The following CGNL1 variants were observed in gnomAD, a reference collection of about 807,000 sequenced individuals.
CGNL1 encodes the protein cingulin-like protein 1.
A neutral mutation model predicts 141.2 loss-of-function variants in CGNL1; 132 were observed. The observed-to-expected ratio is 0.93, with a 90% CI of 0.81 to 1.08. CGNL1 has a LOEUF of 1.08. Among genes scored for constraint, CGNL1 ranks in the 50% least tolerant of loss-of-function variants. The pLI is 0.00. For missense variants in CGNL1, 1,870 were observed against 1,588.6 expected, an observed-to-expected ratio of 1.18 and a Z score of -3.01; for synonymous variants, 690 against 622.1, an observed-to-expected ratio of 1.11 and a Z score of -1.63.
At chr15:57,383,590 A>T in intron 1 of CGNL1, among the ~76,000 whole-genome samples, 1 of 144,958 alleles carries the variant, frequency 6.9e-6, no homozygotes, top group Non-Finnish European at 1.5e-5. Context: ...GAGCCACCAC[A>T]TCTGCCTTTT....
intron 1 of CGNL1, among the ~76,000 whole-genome samples, chr15:57,436,978 C>T (rs1205470884): frequency 6.6e-6 from 1 of 152,010 alleles, no homozygotes; most frequent in East Asian, 1.9e-4. Context: ...CTCAAAAAGT[C>T]TCTCAAAAGT....
chr15:57,399,427 G>T (rs1463896619), intron 1 of CGNL1, among the ~76,000 whole-genome samples: 1 of 151,770 alleles, frequency 6.6e-6, no homozygotes, highest in African/African-American at 2.4e-5. Context: ...CATATTATTG[G>T]TCACAATTTT....
chr15:57,427,697 A>T (rs1339192516), intron 1 of CGNL1, among the ~76,000 whole-genome samples: 1 of 152,252 alleles, frequency 6.6e-6, no homozygotes, highest in Non-Finnish European at 1.5e-5. Flanking sequence ...TTTGGAATTC[A>T]CTTTGCAGAC....
intron 4 of CGNL1, among the ~76,000 whole-genome samples, chr15:57,450,562 C>T (rs1002430387): frequency 2.0e-5 from 3 of 152,306 alleles, no homozygotes; most frequent in African/African-American, 4.8e-5. Context: ...CTGCATGAGC[C>T]GCCCCACCCA....
At chr15:57,410,721 T>C (rs1420283023) in intron 1 of CGNL1, among the ~76,000 whole-genome samples, 1 of 152,238 alleles carries the variant, frequency 6.6e-6, no homozygotes, top group Non-Finnish European at 1.5e-5. Context: ...TTCAAAATGC[T>C]AAACTTTTGC....
intron 4 of CGNL1, among the ~76,000 whole-genome samples, chr15:57,447,547 T>C (rs117122954): frequency 0.019 from 2,922 of 152,322 alleles, 83 homozygotes; most frequent in Non-Finnish European, 0.024. Flanking sequence ...CTTTTAATAA[T>C]TTATCTTTAT....
Position 57,439,352 on chromosome 15 carries a change from G to A in CGNL1, c.1353G>A (p.Ala451=), listed in dbSNP as rs151050069. The change falls in exon 2 of 19, where the codon GCG becomes GCA. Residue 451 remains alanine, a synonymous_variant. Coordinates refer to ENST00000281282, the MANE Select transcript of CGNL1 (RefSeq NM_032866.5). ...CCTTTGCAAAGCTGCAGGGAGCAGC[G>A]CACGGGGCTTCATGTGCCCACTCCA... ...GRTFAKLQGA[A]HGASCAHSRP... The A allele has an allele frequency of 2.5e-6, 4 of 1,614,110 alleles. No homozygotes were observed. Among genetic ancestry groups the A allele is most frequent in the East Asian group, 2.2e-5 (1 of 44,866 alleles).
intron 1 of CGNL1, among the ~76,000 whole-genome samples, chr15:57,411,585 AG>A (rs1325421283): frequency 1.3e-5 from 2 of 151,828 alleles, no homozygotes; most frequent in Admixed American, 6.6e-5. Context: ...CTGGGATTAC[AG>A]GTGTCCGCCA....
chr15:57,455,952 C>T (rs1322297466), intron 7 of CGNL1, among the ~76,000 whole-genome samples: 1 of 152,198 alleles, frequency 6.6e-6, no homozygotes, highest in East Asian at 1.9e-4. Context: ...ACAACAGGAA[C>T]TGTATCATTT....
chr15:57,438,346 A>G lies in CGNL1; in HGVS notation c.347A>G (p.Asn116Ser), dbSNP rs768336144. The G allele has an allele frequency of 1.1e-5, 18 of 1,614,008 alleles. No individual in the cohort carries two copies. The South Asian group carries it at 1.6e-4, about 15-fold the overall frequency. Residue 116 changes from asparagine (N) to serine (S), a missense_variant, in exon 2 of 19, where the codon AAC becomes AGC. Transcript: ENST00000281282. The stretch of plus-strand genomic sequence containing the variant: ...TACGCCCAGCCTAGCCCAATAAGAA[A>G]CCTGAAACAGCCCCTGCTCCATGAG... The part of the protein sequence containing the change: ...NPYAQPSPIR[N>S]LKQPLLHEGK...
At chr15:57,500,999 T>G (rs1180013768) in intron 8 of CGNL1, among the ~76,000 whole-genome samples, 1 of 152,196 alleles carries the variant, frequency 6.6e-6, no homozygotes, top group Non-Finnish European at 1.5e-5. Context: ...AAGTATAGAA[T>G]ACATGTGTGG....
At chr15:57,455,932 T>A (rs1263772135) in intron 7 of CGNL1, among the ~76,000 whole-genome samples, 1 of 152,202 alleles carries the variant, frequency 6.6e-6, no homozygotes, top group African/African-American at 2.4e-5. Context: ...AGGTAGTTTG[T>A]CTCTTTCCCA....
At chr15:57,489,761 G>GT (rs1340506790) in intron 8 of CGNL1, among the ~76,000 whole-genome samples, 1 of 152,226 alleles carries the variant, frequency 6.6e-6, no homozygotes, top group East Asian at 1.9e-4. Context: ...CCAGACATTA[G>GT]TTTTGGTGCT....
chr15:57,407,374 G>C (rs184146576), intron 1 of CGNL1: 1 of 152,200 alleles, frequency 6.6e-6, no homozygotes, highest in East Asian at 1.9e-4. Context: ...AAAAATAGGG[G>C]GTTTTGCCAG....
At chr15:57,473,178 C>A (rs1445984469) in intron 8 of CGNL1, among the ~76,000 whole-genome samples, 2 of 152,170 alleles carry the variant, frequency 1.3e-5, no homozygotes, top group Non-Finnish European at 2.9e-5. Flanking sequence ...ATATTGCAAA[C>A]AGTTGAATCC....
At chr15:57,476,157 G>A (rs1440702310) in intron 8 of CGNL1, among the ~76,000 whole-genome samples, 1 of 152,130 alleles carries the variant, frequency 6.6e-6, no homozygotes, top group East Asian at 1.9e-4. Flanking sequence ...TGAGAAGCTG[G>A]CATATGGCAC....
At chr15:57,479,375 G>A (rs1257647200) in intron 8 of CGNL1, among the ~76,000 whole-genome samples, 1 of 152,134 alleles carries the variant, frequency 6.6e-6, no homozygotes, top group Non-Finnish European at 1.5e-5. Context: ...TTAGAAATGG[G>A]CAAAGGGGCT....
intron 1 of CGNL1, among the ~76,000 whole-genome samples, chr15:57,381,265 G>T (rs1474747956): frequency 2.0e-5 from 3 of 152,044 alleles, no homozygotes; most frequent in Non-Finnish European, 2.9e-5. Context: ...TCCTGCAAAG[G>T]TGCATAGTAG....
chr15:57,397,620 A>C (rs1167712978), intron 1 of CGNL1, among the ~76,000 whole-genome samples: 1 of 152,200 alleles, frequency 6.6e-6, no homozygotes, highest in Non-Finnish European at 1.5e-5. Context: ...CTATCATTTT[A>C]TTATATAGTT....
Sources: gnomAD v4.1 joint callset for allele counts (sites outside exome capture counted in the v4.1 genomes callset) on GRCh38, gnomAD v4.1.1 for gene constraint, MANE v1.5 for transcripts, NCBI Gene and HGNC (gene_info 2026-07-23, HGNC 2026-07-21) for gene names.